The following HNF4G variants were observed in gnomAD, a reference collection of about 807,000 sequenced individuals.
The protein encoded by HNF4G is hepatocyte nuclear factor 4 gamma, also known as hepatocyte nuclear factor 4-gamma.
HNF4G carries 21 observed loss-of-function variants against 50.9 expected under a neutral mutation model. That is an observed-to-expected ratio of 0.41 (90% confidence interval 0.29 to 0.59). The LOEUF (loss-of-function observed/expected upper bound fraction) is 0.59. Ranked by LOEUF, HNF4G falls within the 20% of genes least tolerant of loss-of-function variation. HNF4G has a pLI of 0.26. For synonymous variants in HNF4G, 198 were observed against 185.6 expected (o/e 1.07, Z -0.54); for missense variants, 527 against 559.4 (o/e 0.94, Z 0.58).
At chr8:75,491,695 C>T (rs2130683588) in intron 2 of HNF4G, among the ~76,000 whole-genome samples, 1 of 152,240 alleles carries the variant, frequency 6.6e-6, no homozygotes, top group South Asian at 2.1e-4. Flanking sequence ...AGGCTGGTCT[C>T]AAATACCTGA....
chr8:75,495,150 T>C (rs1457232780), intron 2 of HNF4G, among the ~76,000 whole-genome samples: 2 of 152,234 alleles, frequency 1.3e-5, no homozygotes, highest in African/African-American at 2.4e-5. Flanking sequence ...TCACAGACTA[T>C]GTTCCTAAAA....
At chr8:75,499,585 T>TGAC (rs1812869904) in intron 2 of HNF4G, among the ~76,000 whole-genome samples, 2 of 151,382 alleles carry the variant, frequency 1.3e-5, no homozygotes, top group Admixed American at 1.3e-4. Flanking sequence ...AAAGAAAATT[T>TGAC]AACAACAAAA....
chr8:75,479,966 A>C (rs1812336342), intron 1 of HNF4G, among the ~76,000 whole-genome samples: 1 of 133,192 alleles, frequency 7.5e-6, no homozygotes, highest in Admixed American at 7.1e-5. Flanking sequence ...TTTATATAAC[A>C]GGAAAAACAA....
rs1158725591 is a variant in HNF4G at position 75,565,693 on chromosome 8, A to G, written c.*1597A>G. On this transcript the variant is annotated 3_prime_UTR_variant, in exon 10 of 10. Coordinates refer to ENST00000396423, the MANE Select transcript of HNF4G (RefSeq NM_004133.5). ...AAAAGAGGATCCCAAACTGTAAAAG[A>G]TTGAAATAATCTTTCTCAGGATTTT... 2 of 152,200 alleles carry G rather than the reference A, an allele frequency of 1.3e-5. 1 individual carries two copies. 9.4% of individuals were successfully genotyped at this position (152,200 alleles called of 1,614,324 possible). A position where few individuals can be genotyped will look rare whatever the true frequency, so the allele number is the denominator to read the frequency against.
intron 8 of HNF4G, among the ~76,000 whole-genome samples, chr8:75,559,359 C>T (rs552687308): frequency 1.3e-5 from 2 of 151,864 alleles, no homozygotes; most frequent in East Asian, 1.9e-4. Flanking sequence ...CTGCAACCTC[C>T]GACTCCCTAA....
At chr8:75,410,734 C>T (rs752285665) in intron 1 of HNF4G, among the ~76,000 whole-genome samples, 10 of 152,112 alleles carry the variant, frequency 6.6e-5, no homozygotes, top group Non-Finnish European at 8.8e-5. Context: ...AGCTCTGGGT[C>T]CTTTAAAAAG....
chr8:75,409,124 G>T (rs2130453144), intron 1 of HNF4G, among the ~76,000 whole-genome samples: 1 of 152,264 alleles, frequency 6.6e-6, no homozygotes, highest in Admixed American at 6.5e-5. Flanking sequence ...ACCAAGTAGT[G>T]TTGGGCTCTT....
At chr8:75,496,412 G>A (rs1378153475) in intron 2 of HNF4G, among the ~76,000 whole-genome samples, 3 of 151,630 alleles carry the variant, frequency 2.0e-5, no homozygotes, top group Non-Finnish European at 4.4e-5. Flanking sequence ...TCATGGCACT[G>A]GAGGTCTTTT....
intron 1 of HNF4G, among the ~76,000 whole-genome samples, chr8:75,431,859 G>A (rs919857880): frequency 6.6e-6 from 1 of 151,930 alleles, no homozygotes; most frequent in Non-Finnish European, 1.5e-5. Flanking sequence ...CTGGGAGGCA[G>A]AGTTTGCAGT....
chr8:75,409,579 C>T (rs1054884875), intron 1 of HNF4G, among the ~76,000 whole-genome samples: 1 of 149,164 alleles, frequency 6.7e-6, no homozygotes. Context: ...ACCTCTACCT[C>T]CCCAGTTCAA....
intron 1 of HNF4G, among the ~76,000 whole-genome samples, chr8:75,429,005 TATGAGA>T (rs1302427426): frequency 1.3e-5 from 2 of 152,116 alleles, no homozygotes; most frequent in Admixed American, 6.6e-5. Context: ...TGGTAGAGAA[TATGAGA>T]AGAGTAGATT....
intron 1 of HNF4G, among the ~76,000 whole-genome samples, chr8:75,431,272 GA>G (rs1224769104): frequency 6.6e-6 from 1 of 152,012 alleles, no homozygotes; most frequent in Non-Finnish European, 1.5e-5. Flanking sequence ...TGAAGGAAGA[GA>G]AAAAACATGA....
chr8:75,414,105 C>T (rs1810571042), intron 1 of HNF4G, among the ~76,000 whole-genome samples: 2 of 151,890 alleles, frequency 1.3e-5, no homozygotes, highest in South Asian at 4.2e-4. Flanking sequence ...TAACCATTAC[C>T]ACAATGAAGA....
chr8:75,432,002 A>G lies in HNF4G; in HGVS notation c.-144+23840A>G, dbSNP rs186218026. Among the ~76,000 whole-genome samples the G allele has an allele frequency of 2.0e-3, 300 of 152,158 alleles. 1 individual carries two copies. The highest frequency in any genetic ancestry group is 2.8e-3 in the Non-Finnish European group (187 of 67,998). On this transcript the variant is annotated intron_variant, in intron 1 of 10. Transcript: ENST00000354370. ...CACCTGTAATCCCAGCACTGCACTT[A>G]CAACAGTGGCTGAAGTAGGAGTATA...
At chr8:75,463,479 G>T (rs1193990304) in intron 1 of HNF4G, among the ~76,000 whole-genome samples, 1 of 151,970 alleles carries the variant, frequency 6.6e-6, no homozygotes, top group Non-Finnish European at 1.5e-5. Flanking sequence ...CTAGGATCTG[G>T]CCAATTTAAT....
intron 1 of HNF4G, among the ~76,000 whole-genome samples, chr8:75,542,864 G>T (rs1338675483): frequency 6.6e-6 from 1 of 152,118 alleles, no homozygotes; most frequent in Non-Finnish European, 1.5e-5. Context: ...ATTGAATAAG[G>T]ATGTCCATAG....
chr8:75,441,113 G>A (rs1284761397), intron 1 of HNF4G, among the ~76,000 whole-genome samples: 1 of 151,998 alleles, frequency 6.6e-6, no homozygotes, highest in Non-Finnish European at 1.5e-5. Context: ...TAAAAATATT[G>A]CGTGGTTCTA....
intron 1 of HNF4G, among the ~76,000 whole-genome samples, chr8:75,432,657 A>G (rs1054719555): frequency 1.1e-4 from 17 of 152,178 alleles, no homozygotes; most frequent in African/African-American, 3.6e-4. Flanking sequence ...ATACTGTTCT[A>G]TATGGTAGCT....
At chr8:75,454,133 C>T (rs1274842728) in intron 1 of HNF4G, among the ~76,000 whole-genome samples, 1 of 150,712 alleles carries the variant, frequency 6.6e-6, no homozygotes, top group African/African-American at 2.4e-5. Flanking sequence ...CTCTCCCCCA[C>T]TCCACATACA....
Sources: gnomAD v4.1 joint callset for allele counts (sites outside exome capture counted in the v4.1 genomes callset) on GRCh38, gnomAD v4.1.1 for gene constraint, MANE v1.5 for transcripts, NCBI Gene and HGNC (gene_info 2026-07-23, HGNC 2026-07-21) for gene names.